The following SLC34A3 variants were observed in gnomAD, a reference collection of about 807,000 sequenced individuals.
SLC34A3 encodes solute carrier family 34 member 3.
SLC34A3 carries 60 observed loss-of-function variants against 43.9 expected under a neutral mutation model. The ratio of observed to expected loss-of-function variants is 1.37; its 90% CI spans 1.11 to 1.70. The LOEUF is 1.70. Ranked by LOEUF, SLC34A3 falls within the 40% of genes most tolerant of loss-of-function variation. SLC34A3 has a pLI of 0.00. For synonymous variants in SLC34A3, 451 were observed against 386.2 expected (o/e 1.17, Z -1.97); for missense variants, 969 against 823.8 (o/e 1.18, Z -2.16).
rs759362418 is a variant in SLC34A3, at chr9:137,236,139, T to C, written c.1523T>C (p.Leu508Pro). The C allele has an allele frequency of 1.9e-6, 3 of 1,610,828 alleles. No homozygotes were observed. Among genetic ancestry groups the C allele is most frequent in the East Asian group, 2.2e-5 (1 of 44,860 alleles). The change falls in exon 13 of 13, where the codon CTG becomes CCG. Residue 508 changes from leucine (L) to proline (P), a missense_variant. By Grantham distance (98) the Leu-to-Pro change is moderately conservative. Coordinates refer to ENST00000673835, the MANE Select transcript of SLC34A3 (RefSeq NM_001177316.2). ...CCCCTGGCGGCCTTCGGGCTCTCCC[T>C]GGCAGGGGGCATGGAGCTGGCCGCT... ...LLPLAAFGLSLAGGMELAAVG... is the reference protein window; with the variant it reads ...LLPLAAFGLSPAGGMELAAVG...
chr9:137,234,264 G>C lies in SLC34A3; in HGVS notation c.1081G>C (p.Val361Leu), dbSNP rs773949518. Reference sequence around the variant, plus strand: ...CCGCGTGGCCCAGGTCGTGAGGACAGTCATCAATGCGGGTGAGGGCGTGGG... The same window carrying C: ...CCGCGTGGCCCAGGTCGTGAGGACACTCATCAATGCGGGTGAGGGCGTGGG... ...RGRVAQVVRT[V>L]INADFPFPLG... The change falls in exon 10 of 13, where the codon GTC becomes CTC. Residue 361 changes from valine (V) to leucine (L), a missense_variant. Transcript: ENST00000673835. This position sits in a 1 kb window ranked among gnomAD's most constrained non-coding sequence, Gnocchi z 6.9. The C allele has an allele frequency of 6.2e-7, 1 of 1,610,942 alleles. No individual in the cohort carries two copies. The highest frequency in any genetic ancestry group is 8.5e-7 in the Non-Finnish European group (1 of 1,179,558).
rs370453108 is a variant in SLC34A3 at position 137,234,393 on chromosome 9, G to T, written c.1094-23G>T. The stretch of plus-strand genomic sequence containing the variant: ...GGCCCTCCTTGTGGGCGCTGGCCAG[G>T]GCTGACCCGGCATCCCCCACAGACT... On this transcript the variant is annotated intron_variant, in intron 10 of 12. Transcript: ENST00000673835. This position sits in a 1 kb window ranked among gnomAD's most constrained non-coding sequence, Gnocchi z 6.9. 1 of 1,596,584 alleles carries T rather than the reference G, an allele frequency of 6.3e-7. No homozygotes were observed.
upstream of SLC34A3, among the ~76,000 whole-genome samples, chr9:137,230,587 G>A (rs1836158313): frequency 1.3e-5 from 2 of 152,208 alleles, no homozygotes; most frequent in African/African-American, 4.8e-5. Flanking sequence ...GCCTGGCTGG[G>A]TGGAGTGTGT....
In SLC34A3 at chr9:137,233,896, C is replaced by T. The variant is rs1259929888; in HGVS notation, c.880C>T (p.Pro294Ser). ...GAACAGCAGCTGTGGCGCCTTCGGCCCGTGCACAGAGAAGAACAGCACAGC... is the reference window on the plus strand; with the variant it reads ...GAACAGCAGCTGTGGCGCCTTCGGCTCGTGCACAGAGAAGAACAGCACAGC... ...QENSSCGAFG[P>S]CTEKNSTAPA... Residue 294 changes from proline (P) to serine (S), a missense_variant, in exon 9 of 13, where the codon CCG becomes TCG. By Grantham distance (74) the Pro-to-Ser change is moderately conservative. Transcript: ENST00000673835. The T allele has an allele frequency of 1.2e-6, 2 of 1,607,390 alleles. No homozygotes were observed. The highest frequency in any genetic ancestry group is 1.7e-6 in the Non-Finnish European group (2 of 1,178,266).
chr9:137,233,461 G>C (rs1047542370), intron 7 of SLC34A3, 57 bp downstream of exon 7: 3 of 1,588,800 alleles, frequency 1.9e-6, no homozygotes, highest in East Asian at 4.6e-5. Context: ...TGGGAGGAGG[G>C]GAGGCCCGCC....
In SLC34A3 at chr9:137,234,571, G is replaced by A. The variant is rs748121039; in HGVS notation, c.1211-36G>A. On this transcript the variant is annotated intron_variant, in intron 11 of 12. Transcript: ENST00000673835. The surrounding 1 kb of genome is among the most constrained non-coding windows in gnomAD (Gnocchi z 6.9). The stretch of plus-strand genomic sequence containing the variant: ...ACAGAGGCCTCGGGAACGGGGGCTC[G>A]GGCTGGGGTCCTGTGGTGACTCCCA... The A allele has an allele frequency of 4.3e-5, 70 of 1,610,010 alleles. No homozygotes were observed. Among genetic ancestry groups the A allele is most frequent in the Middle Eastern group, 3.3e-4 (2 of 6,074 alleles).
At chr9:137,232,227 A>G (rs1053760441) in intron 3 of SLC34A3, 66 bp downstream of exon 3, 54 of 1,485,502 alleles carry the variant, frequency 3.6e-5, no homozygotes, top group Non-Finnish European at 4.9e-5. Flanking sequence ...CTGGGGAGAC[A>G]GAGCAGGGTG....
At chr9:137,231,415 C>T (rs1325240200) in intron 1 of SLC34A3, among the ~76,000 whole-genome samples, 11 of 152,158 alleles carry the variant, frequency 7.2e-5, no homozygotes, top group Non-Finnish European at 1.3e-4. Flanking sequence ...GCAAGGGAGC[C>T]GGGGAGCTGG....
At chr9:137,233,779 T>TGCCCC in intron 8 of SLC34A3, 57 bp downstream of exon 8, 186 of 1,445,696 alleles carry the variant, frequency 1.3e-4, no homozygotes, top group South Asian at 4.4e-4. Flanking sequence ...TGCTGAGTCA[T>TGCCCC]CCCGCCCCAC....
In SLC34A3 at chr9:137,236,094, T is replaced by A. The variant is rs1288848092; in HGVS notation, c.1478T>A (p.Leu493Gln). 6.2e-7 allele frequency: 1 copy of A among 1,612,266 alleles called. No homozygotes were observed. Among genetic ancestry groups the A allele is most frequent in the Non-Finnish European group, 8.5e-7 (1 of 1,179,812 alleles). Residue 493 changes from leucine (L) to glutamine (Q), a missense_variant, in exon 13 of 13, where the codon CTG becomes CAG. By Grantham distance (113) the Leu-to-Gln change is moderately radical. Transcript: ENST00000673835. ...RYRWVAGVYL[L>Q]LGFLLLPLAA... ...CGCTGGGTGGCTGGGGTCTACCTGC[T>A]GCTCGGATTCCTGCTGCTGCCCCTG...
intron 12 of SLC34A3, among the ~76,000 whole-genome samples, chr9:137,235,679 T>TC (rs1224048259): frequency 2.0e-5 from 3 of 151,988 alleles, no homozygotes; most frequent in Non-Finnish European, 4.4e-5. Flanking sequence ...GGAAGGTGCT[T>TC]CCCCCGCAGG....
rs754465747 is a variant in SLC34A3, at chr9:137,231,762, A to C, written c.60A>C (p.Leu20=). The change falls in exon 2 of 13, where the codon CTA becomes CTC. Residue 20 remains leucine (L), a synonymous_variant. Transcript: ENST00000673835. The stretch of plus-strand genomic sequence containing the variant: ...ACCCCACTCTGGACGCGGTTGACCT[A>C]GTGGAAAAGACTCTGAGGAATGAAG... ...VPHPTLDAVD[L]VEKTLRNEGT... is the part of the protein sequence containing the mutation. The C allele has an allele frequency of 1.9e-6, 3 of 1,613,082 alleles. No homozygotes were observed. Among genetic ancestry groups the C allele is most frequent in the East Asian group, 2.2e-5 (1 of 44,870 alleles).
At position 137,236,549 on chromosome 9, in the gene SLC34A3, A is replaced by T. The variant is rs1836609158; in HGVS notation, c.*133A>T. 1 of 827,746 alleles carries T rather than the reference A, an allele frequency of 1.2e-6. No homozygotes were observed. The allele number at this position is 827,746 out of a possible 1,614,324, so 51.3% of individuals were successfully genotyped here. Reference sequence around the variant, plus strand: ...TTCTGTGCAAATAAACCAGGCTGTTATCTGGGGTGGCGGTCCTCACTCCCC... The same window carrying T: ...TTCTGTGCAAATAAACCAGGCTGTTTTCTGGGGTGGCGGTCCTCACTCCCC... On this transcript the variant is annotated 3_prime_UTR_variant, in exon 13 of 13. Transcript: ENST00000673835.
At position 137,236,007 on chromosome 9, in the gene SLC34A3, T is replaced by C. The variant is rs142507276; in HGVS notation, c.1391T>C (p.Val464Ala). The part of the protein sequence containing the change: ...NLAGILLWYL[V>A]PALRLPIPLA... The stretch of plus-strand genomic sequence containing the variant: ...GCCGGCATCCTGCTGTGGTACCTGG[T>C]GCCTGCACTGCGGCTGCCCATCCCG... The change falls in exon 13 of 13, where the codon GTG becomes GCG. Residue 464 changes from valine (V) to alanine (A), a missense_variant. Transcript: ENST00000673835. The C allele has an allele frequency of 1.2e-6, 2 of 1,612,610 alleles. No homozygotes were observed. Among genetic ancestry groups the C allele is most frequent in the South Asian group, 1.1e-5 (1 of 91,076 alleles).
At chr9:137,232,242 C>A in intron 3 of SLC34A3, 81 bp downstream of exon 3, 5 of 1,366,796 alleles carry the variant, frequency 3.7e-6, no homozygotes, top group Middle Eastern at 2.0e-4. Flanking sequence ...AGGGTGGGGC[C>A]TGCCCAAACA....
intron 3 of SLC34A3, 98 bp downstream of exon 3, chr9:137,232,259 G>C (rs944586070): frequency 8.2e-7 from 1 of 1,213,792 alleles, no homozygotes; most frequent in African/African-American, 1.5e-5. Context: ...AACAGGCTGT[G>C]TGTGGGGAAC....
At chr9:137,231,517 G>A in intron 1 of SLC34A3, 147 bp from the exon 2 acceptor site, 2 of 643,758 alleles carry the variant, frequency 3.1e-6, no homozygotes, top group Non-Finnish European at 5.6e-6. Context: ...TGGAGAAAGG[G>A]GGATGGTCAC....
chr9:137,235,628 A>G (rs1256211431), intron 12 of SLC34A3, among the ~76,000 whole-genome samples: 1 of 152,168 alleles, frequency 6.6e-6, no homozygotes, highest in Non-Finnish European at 1.5e-5. Flanking sequence ...GGGACTGAGG[A>G]GACGGGGTCT....
At position 137,234,192 on chromosome 9, in the gene SLC34A3, G is replaced by C; in HGVS notation, c.1009G>C (p.Gly337Arg). The C allele has an allele frequency of 6.2e-7, 1 of 1,605,872 alleles. No homozygotes were observed. The highest frequency in any genetic ancestry group is 8.5e-7 in the Non-Finnish European group (1 of 1,177,978). The part of the protein sequence containing the change: ...LLAGSLLVLC[G>R]CLVLIVKLLN... ...GGCCGGCTCCCTGCTGGTGCTCTGC[G>C]GCTGCCTGGTCCTCATAGTCAAGCT... The change falls in exon 10 of 13, where the codon GGC (glycine) becomes CGC (arginine). Residue 337 changes from glycine (G) to arginine (R), a missense_variant. Physicochemically the swap from Gly to Arg is moderately radical, Grantham distance 125 (BLOSUM62 -2). Coordinates refer to ENST00000673835, the MANE Select transcript of SLC34A3 (RefSeq NM_001177316.2). This position sits in a 1 kb window ranked among gnomAD's most constrained non-coding sequence, Gnocchi z 6.9.
Sources: gnomAD v4.1 joint callset for allele counts (sites outside exome capture counted in the v4.1 genomes callset) on GRCh38, gnomAD v4.1.1 for gene constraint, Gnocchi (gnomAD v3.1) non-coding constraint, MANE v1.5 for transcripts, NCBI Gene and HGNC (gene_info 2026-07-23, HGNC 2026-07-21) for gene names.